Variants in SPATA16 observed in about 807,000 individuals in gnomAD.
SPATA16 encodes the protein spermatogenesis associated 16, also known as spermatogenesis-associated protein 16.
Under a neutral mutation model 63.3 loss-of-function variants are expected in SPATA16, and 36 were observed. The ratio of observed to expected loss-of-function variants is 0.57; its 90% CI spans 0.44 to 0.75. The LOEUF (loss-of-function observed/expected upper bound fraction) is 0.75, where lower values mean the gene tolerates loss of function less well. Among genes scored for constraint, SPATA16 ranks in the 30% least tolerant of loss-of-function variants. The probability of loss-of-function intolerance (pLI) is 0.00; values close to 1 mark genes in which losing one functional copy is unlikely to be tolerated. For missense variants in SPATA16, 646 were observed against 679.3 expected, an observed-to-expected ratio of 0.95 and a Z score of 0.54; for synonymous variants, 203 against 216.7, an observed-to-expected ratio of 0.94 and a Z score of 0.56.
chr3:173,044,568 A>G (rs987369301), intron 3 of SPATA16, among the ~76,000 whole-genome samples: 48 of 152,106 alleles, frequency 3.2e-4, no homozygotes, highest in African/African-American at 1.2e-3. Flanking sequence ...TGCCAGTTCT[A>G]CATCTGGGTC....
chr3:172,961,620 C>T (rs1489452971), intron 5 of SPATA16, among the ~76,000 whole-genome samples: 2 of 152,120 alleles, frequency 1.3e-5, no homozygotes, highest in African/African-American at 4.8e-5. Context: ...GTCTTGAACT[C>T]CTGACCTCAG....
rs553401598 is a variant in SPATA16, at chr3:173,114,618, A to G, written c.612+2502T>C. ...TTATGTATGAGAGAAATAAACTTCT[A>G]CCTTCCTTCAGACACTTATTTTGCA... On this transcript the variant is annotated intron_variant, in intron 2 of 10. Transcript: ENST00000351008. Among the ~76,000 whole-genome samples, 32 of 152,320 alleles carry G rather than the reference A, an allele frequency of 2.1e-4. No individual in the cohort carries two copies. In the South Asian group the frequency reaches 4.1e-3, roughly 20 times the overall value.
chr3:173,025,142 T>C lies in SPATA16; in HGVS notation c.759-5567A>G, dbSNP rs188746309. ...GGACAATTTCTTCTTCTGCTATATA[T>C]GAAAATTAATAAATGGTTCAGTGTT... On this transcript the variant is annotated intron_variant, in intron 3 of 10. Coordinates refer to ENST00000351008, the MANE Select transcript of SPATA16 (RefSeq NM_031955.6). 1.5e-4 allele frequency among the ~76,000 whole-genome samples: 23 copies of C among 151,444 alleles called. No homozygotes were observed. In the East Asian group the frequency reaches 3.3e-3, roughly 22 times the overall value.
intron 6 of SPATA16, among the ~76,000 whole-genome samples, chr3:172,935,523 T>C (rs945656914): frequency 6.6e-6 from 1 of 152,216 alleles, no homozygotes; most frequent in African/African-American, 2.4e-5. Flanking sequence ...TTGACAAATA[T>C]TTTTAGGCTC....
At chr3:172,994,663 A>G (rs1424365300) in intron 4 of SPATA16, among the ~76,000 whole-genome samples, 2 of 152,130 alleles carry the variant, frequency 1.3e-5, no homozygotes, top group Non-Finnish European at 2.9e-5. Flanking sequence ...ATGGAGAGCC[A>G]TTTAAGGTAA....
chr3:173,081,622 A>G (rs573590504), intron 2 of SPATA16, among the ~76,000 whole-genome samples: 93 of 152,336 alleles, frequency 6.1e-4, no homozygotes, highest in Non-Finnish European at 1.1e-3. Flanking sequence ...ACCAGAAACA[A>G]CAATGACAAA....
At chr3:172,967,608 G>T (rs1055086136) in intron 5 of SPATA16, among the ~76,000 whole-genome samples, 2 of 152,226 alleles carry the variant, frequency 1.3e-5, no homozygotes, top group Non-Finnish European at 2.9e-5. Context: ...AGCAGGAGGT[G>T]AGTGGCGGGC....
intron 2 of SPATA16, among the ~76,000 whole-genome samples, chr3:173,106,307 T>C (rs1338268482): frequency 1.3e-5 from 2 of 152,190 alleles, no homozygotes; most frequent in Non-Finnish European, 2.9e-5. Flanking sequence ...CTTCCTATTT[T>C]ACCTTGGTGT....
intron 10 of SPATA16, among the ~76,000 whole-genome samples, chr3:172,907,636 C>T (rs943951295): frequency 2.0e-5 from 3 of 151,746 alleles, no homozygotes; most frequent in Admixed American, 6.6e-5. Flanking sequence ...AGTGCAATGG[C>T]GCGATCTTGG....
At chr3:173,053,808 A>G (rs758613322) in intron 2 of SPATA16, among the ~76,000 whole-genome samples, 1 of 152,162 alleles carries the variant, frequency 6.6e-6, no homozygotes, top group Non-Finnish European at 1.5e-5. Flanking sequence ...TCAAATGTCT[A>G]CAAATAAGGA....
At chr3:172,918,708 T>A (rs1732553357) in intron 8 of SPATA16, among the ~76,000 whole-genome samples, 1 of 152,156 alleles carries the variant, frequency 6.6e-6, no homozygotes, top group Non-Finnish European at 1.5e-5. Flanking sequence ...TAAAGGCAGG[T>A]AGCCCTCCCA....
intron 6 of SPATA16, among the ~76,000 whole-genome samples, chr3:172,942,363 G>T (rs1191329916): frequency 6.6e-6 from 1 of 152,070 alleles, no homozygotes; most frequent in Non-Finnish European, 1.5e-5. Flanking sequence ...GAAAGTAAAA[G>T]GATGTGAAAA....
chr3:172,896,170 C>A (rs923021958), intron 10 of SPATA16, among the ~76,000 whole-genome samples: 21 of 152,090 alleles, frequency 1.4e-4, no homozygotes, highest in African/African-American at 5.1e-4. Context: ...AAGCACTGAT[C>A]TTAGGCTTTA....
Position 172,976,968 on chromosome 3 carries a change from C to T in SPATA16, c.933G>A (p.Gln311=), listed in dbSNP as rs754198960. The T allele has an allele frequency of 3.1e-6, 5 of 1,611,698 alleles. No individual in the cohort carries two copies. The African/African-American group carries it at 6.7e-5, about 22-fold the overall frequency. Residue 311 remains glutamine, a splice_region_variant and synonymous_variant, in exon 5 of 11, where the codon CAG becomes CAA. Transcript: ENST00000351008. ...SISKLIKLYW[Q]AMIEEAITRA... is the part of the protein sequence containing the mutation. ...CCCTAGTTGGGACATCAATTTTTAC[C>T]TGCCAATACAGTTTGATGAGCTTGC... is the stretch of plus-strand genomic sequence containing the variant.
intron 2 of SPATA16, among the ~76,000 whole-genome samples, chr3:173,061,670 A>G (rs1736382787): frequency 6.6e-6 from 1 of 151,938 alleles, no homozygotes; most frequent in Non-Finnish European, 1.5e-5. Flanking sequence ...CAGGGTGGAA[A>G]GAAGCTCTAC....
At chr3:172,898,765 T>G (rs1330546715) in intron 10 of SPATA16, among the ~76,000 whole-genome samples, 1 of 151,764 alleles carries the variant, frequency 6.6e-6, no homozygotes, top group African/African-American at 2.4e-5. Context: ...TTGTTTATTT[T>G]GTCCTTCTTT....
chr3:173,029,778 G>GATTTTT (rs1240030165), intron 3 of SPATA16, among the ~76,000 whole-genome samples: 1 of 151,944 alleles, frequency 6.6e-6, no homozygotes, highest in Non-Finnish European at 1.5e-5. Context: ...CATAGGGATA[G>GATTTTT]ATTTTTATTT....
chr3:172,962,688 C>G (rs1259787583), intron 5 of SPATA16, among the ~76,000 whole-genome samples: 3 of 152,082 alleles, frequency 2.0e-5, no homozygotes, highest in African/African-American at 7.2e-5. Context: ...TTGAATATTA[C>G]AGTTTTATTG....
chr3:172,923,051 A>G (rs895421457), intron 8 of SPATA16, among the ~76,000 whole-genome samples: 1 of 152,354 alleles, frequency 6.6e-6, no homozygotes, highest in Admixed American at 6.5e-5. Context: ...TAGGCTAGCC[A>G]TGCACGGATG....
Sources: allele counts gnomAD v4.1 joint callset (sites outside exome capture counted in the v4.1 genomes callset), GRCh38; gene constraint gnomAD v4.1.1; transcripts MANE v1.5; gene names NCBI Gene and HGNC (gene_info 2026-07-23, HGNC 2026-07-21).